The following RIMS1 variants were observed in gnomAD, a reference collection of about 807,000 sequenced individuals.
RIMS1 encodes regulating synaptic membrane exocytosis protein 1.
Under a neutral mutation model 214.1 loss-of-function variants are expected in RIMS1, and 83 were observed. The observed-to-expected ratio is 0.39, with a 90% confidence interval of 0.32 to 0.47. RIMS1 has a LOEUF of 0.47. RIMS1 is among the 20% of genes least tolerant of loss of function. The pLI is 0.99. For synonymous variants in RIMS1, 793 were observed against 786.8 expected (o/e 1.01, Z -0.13); for missense variants, 2,050 against 2,161.8 (o/e 0.95, Z 1.03).
intron 1 of RIMS1, among the ~76,000 whole-genome samples, chr6:71,937,463 G>C (rs1399871457): frequency 6.6e-6 from 1 of 152,082 alleles, no homozygotes; most frequent in African/African-American, 2.4e-5. Flanking sequence ...ACGTTTCCCA[G>C]GCTGGTTTCA....
At chr6:71,892,751 A>G (rs1209512321) in intron 1 of RIMS1, among the ~76,000 whole-genome samples, 1 of 152,196 alleles carries the variant, frequency 6.6e-6, no homozygotes, top group Admixed American at 6.5e-5. Context: ...TGTTTCAGGT[A>G]TTAGAATTAG....
At chr6:72,361,716 A>G (rs1595225467) in intron 29 of RIMS1, among the ~76,000 whole-genome samples, 2 of 152,310 alleles carry the variant, frequency 1.3e-5, no homozygotes, top group East Asian at 1.9e-4. Flanking sequence ...GTGGCTGCCC[A>G]CATTCCTTGG....
At chr6:72,058,368 A>G (rs189802943) in intron 2 of RIMS1, among the ~76,000 whole-genome samples, 7 of 152,358 alleles carry the variant, frequency 4.6e-5, no homozygotes, top group Admixed American at 4.6e-4. Flanking sequence ...AAAGGCTCCA[A>G]GATTATAGAT....
intron 4 of RIMS1, among the ~76,000 whole-genome samples, chr6:72,131,870 G>GGCAT (rs2040503293): frequency 6.6e-6 from 1 of 152,124 alleles, no homozygotes; most frequent in South Asian, 2.1e-4. Flanking sequence ...CCCACCCCCA[G>GGCAT]GCGCATATTC....
At chr6:72,061,263 T>C (rs981217956) in intron 2 of RIMS1, among the ~76,000 whole-genome samples, 1 of 152,156 alleles carries the variant, frequency 6.6e-6, no homozygotes, top group African/African-American at 2.4e-5. Flanking sequence ...ATACAAACTA[T>C]AAAAAAACTG....
chr6:71,963,740 GTTAT>G (rs879625255), intron 1 of RIMS1, among the ~76,000 whole-genome samples: 5 of 151,884 alleles, frequency 3.3e-5, no homozygotes, highest in African/African-American at 4.8e-5. Flanking sequence ...AAACTTTTTG[GTTAT>G]TTATTTTTAT....
chr6:71,981,353 C>T (rs2151481507), intron 2 of RIMS1, among the ~76,000 whole-genome samples: 1 of 152,134 alleles, frequency 6.6e-6, no homozygotes, highest in African/African-American at 2.4e-5. Context: ...ATTCATTTAC[C>T]CACTAACTTC....
chr6:71,963,740 G>A (rs531852248), intron 1 of RIMS1, among the ~76,000 whole-genome samples: 4 of 152,002 alleles, frequency 2.6e-5, no homozygotes, highest in East Asian at 3.9e-4. Flanking sequence ...AAACTTTTTG[G>A]TTATTTATTT....
intron 32 of RIMS1, 120 bp from the exon 33 acceptor site, chr6:72,398,835 T>G: frequency 1.7e-6 from 1 of 605,976 alleles, no homozygotes; most frequent in South Asian, 2.9e-5. Flanking sequence ...TTAAGTAATT[T>G]AAACAGTCAA....
intron 2 of RIMS1, among the ~76,000 whole-genome samples, chr6:72,002,902 G>C (rs902153071): frequency 6.6e-6 from 1 of 152,182 alleles, no homozygotes; most frequent in Admixed American, 6.5e-5. Context: ...TGGAGTAATT[G>C]TCCTTTTACA....
intron 2 of RIMS1, among the ~76,000 whole-genome samples, chr6:71,995,058 A>G (rs1312619663): frequency 6.6e-6 from 1 of 152,068 alleles, no homozygotes; most frequent in African/African-American, 2.4e-5. Context: ...AGAATTCTTC[A>G]TAGTGTAGAT....
Position 72,239,576 on chromosome 6 carries a change from G to A in RIMS1, c.1957+1654G>A, listed in dbSNP as rs775813298. 2.6e-5 allele frequency among the ~76,000 whole-genome samples: 4 copies of A among 152,176 alleles called. No homozygotes were observed. The South Asian group carries it at 8.3e-4, about 32-fold the overall frequency. On this transcript the variant is annotated intron_variant, in intron 9 of 33. Coordinates refer to ENST00000521978, the MANE Select transcript of RIMS1 (RefSeq NM_014989.7). ...AACATCCTTAGCCTATAAAACTACG[G>A]TGCAATCAATGTGACTTTTATTTAA...
intron 2 of RIMS1, among the ~76,000 whole-genome samples, chr6:71,975,842 G>T (rs915878680): frequency 1.3e-5 from 2 of 151,544 alleles, no homozygotes; most frequent in African/African-American, 4.8e-5. Flanking sequence ...GTTTATATCT[G>T]GCTTTTTTCA....
intron 2 of RIMS1, among the ~76,000 whole-genome samples, chr6:72,058,732 G>A (rs1375355983): frequency 3.9e-5 from 6 of 152,118 alleles, no homozygotes; most frequent in Admixed American, 1.3e-4. Context: ...ATTTCTTGCC[G>A]AGGACATCCC....
chr6:71,905,757 G>A (rs927086141), intron 1 of RIMS1, among the ~76,000 whole-genome samples: 1 of 152,134 alleles, frequency 6.6e-6, no homozygotes, highest in Non-Finnish European at 1.5e-5. Flanking sequence ...GAGTGTTGGG[G>A]AATAATGTTG....
At chr6:72,214,957 G>A (rs529270318) in intron 6 of RIMS1, among the ~76,000 whole-genome samples, 143 of 152,148 alleles carry the variant, frequency 9.4e-4, no homozygotes, top group African/African-American at 3.3e-3. Flanking sequence ...CCTGACCTCC[G>A]GTGATCCACC....
intron 1 of RIMS1, among the ~76,000 whole-genome samples, chr6:71,896,909 A>G (rs1397345810): frequency 1.3e-5 from 2 of 152,140 alleles, no homozygotes; most frequent in Non-Finnish European, 2.9e-5. Flanking sequence ...CCAACCATGT[A>G]TATGTCAATG....
intron 4 of RIMS1, among the ~76,000 whole-genome samples, chr6:72,115,586 G>A (rs905033129): frequency 1.3e-5 from 2 of 151,742 alleles, no homozygotes; most frequent in African/African-American, 4.8e-5. Context: ...ATGTTTTTGT[G>A]ATTTTTAAAG....
intron 6 of RIMS1, among the ~76,000 whole-genome samples, chr6:72,232,831 A>G (rs1020413979): frequency 1.3e-5 from 2 of 151,832 alleles, no homozygotes; most frequent in South Asian, 2.1e-4. Context: ...AGTGCCTGTC[A>G]TGTACATACA....
Sources: allele counts gnomAD v4.1 joint callset (sites outside exome capture counted in the v4.1 genomes callset), GRCh38; gene constraint gnomAD v4.1.1; transcripts MANE v1.5; gene names NCBI Gene and HGNC (gene_info 2026-07-23, HGNC 2026-07-21).